The following SAMD12 variants were observed in gnomAD, a reference collection of about 807,000 sequenced individuals.
SAMD12 encodes the protein sterile alpha motif domain containing 12.
A neutral mutation model predicts 15.0 loss-of-function variants in SAMD12; 9 were observed. The observed-to-expected ratio is 0.60, with a 90% CI of 0.36 to 1.05. The LOEUF (loss-of-function observed/expected upper bound fraction) is 1.05, where lower values mean the gene tolerates loss of function less well. Among genes scored for constraint, SAMD12 ranks in the 50% least tolerant of loss-of-function variants. The pLI, the probability that SAMD12 is intolerant of heterozygous loss-of-function variation, is 0.01. For synonymous variants in SAMD12, 86 were observed against 90.1 expected, an observed-to-expected ratio of 0.96 and a Z score of 0.25; for missense variants, 230 against 234.2, an observed-to-expected ratio of 0.98 and a Z score of 0.12.
chr8:118,552,525 G>A lies in SAMD12; in HGVS notation c.192+28190C>T, dbSNP rs569209123. ...ATAAATTAGGTATTGATGGGACGAC[G>A]TATTTCAAAATAATAAGAGCTATCT... On this transcript the variant is annotated intron_variant, in intron 2 of 3. Transcript: ENST00000314727. Among the ~76,000 whole-genome samples, 61 of 152,234 alleles carry A rather than the reference G, an allele frequency of 4.0e-4. 1 individual carries two copies. The South Asian group carries it at 0.011, about 28-fold the overall frequency.
At position 118,574,582 on chromosome 8, in the gene SAMD12, T is replaced by C. The variant is rs890301595; in HGVS notation, c.192+6133A>G. On this transcript the variant is annotated intron_variant, in intron 2 of 3. Coordinates refer to ENST00000314727, the MANE Select transcript of SAMD12 (RefSeq NM_207506.3). ...ATACAATGAACCTATGGCTTAAATA[T>C]ATCATATTAATTGTCATACTTTTCA... is the stretch of plus-strand genomic sequence containing the variant. 2.6e-5 allele frequency among the ~76,000 whole-genome samples: 4 copies of C among 152,370 alleles called. No homozygotes were observed. The East Asian group carries it at 7.7e-4, about 29-fold the overall frequency.
rs531992106 is a variant in SAMD12 at position 118,440,509 on chromosome 8, T to C, written c.193-548A>G. On this transcript the variant is annotated intron_variant, in intron 2 of 3. Transcript: ENST00000314727. ...CTGAAATGTCCAGGACCATTAGTTA[T>C]ACCAAAGTGGGGAAGCAAAAAGTCA... Among the ~76,000 whole-genome samples the C allele has an allele frequency of 2.6e-5, 4 of 152,230 alleles. No homozygotes were observed. The South Asian group carries it at 8.3e-4, about 32-fold the overall frequency.
the SAMD12 span, among the ~76,000 whole-genome samples, chr8:118,155,307 C>A: frequency 6.6e-6 from 1 of 152,102 alleles, no homozygotes; most frequent in African/African-American, 2.4e-5. Context: ...ATCGAATGCT[C>A]AGAACACACA....
At chr8:118,362,475 A>T (rs1250752516) in intron 4 of SAMD12, among the ~76,000 whole-genome samples, 2 of 152,230 alleles carry the variant, frequency 1.3e-5, no homozygotes, top group Admixed American at 6.5e-5. Flanking sequence ...AAATGCACAC[A>T]TATGTAGTTT....
intron 4 of SAMD12, among the ~76,000 whole-genome samples, chr8:118,324,687 C>T (rs188649554): frequency 2.3e-4 from 35 of 152,208 alleles, no homozygotes; most frequent in Admixed American, 1.3e-3. Flanking sequence ...GTTAGACAGA[C>T]AAATGGGTAG....
At chr8:118,468,560 G>C (rs1156686671) in intron 2 of SAMD12, among the ~76,000 whole-genome samples, 1 of 152,094 alleles carries the variant, frequency 6.6e-6, no homozygotes, top group Non-Finnish European at 1.5e-5. Flanking sequence ...TGAGCTGGGA[G>C]TTGATCTTAT....
chr8:118,264,047 T>G (rs1012152518), intron 4 of SAMD12, among the ~76,000 whole-genome samples: 1 of 152,092 alleles, frequency 6.6e-6, no homozygotes, highest in Admixed American at 6.6e-5. Flanking sequence ...AACATAAGCT[T>G]TAGGTTTATT....
intron 2 of SAMD12, among the ~76,000 whole-genome samples, chr8:118,556,969 AAAAAG>A (rs1324043891): frequency 6.6e-6 from 1 of 151,978 alleles, no homozygotes; most frequent in African/African-American, 2.4e-5. Context: ...ATCTCAAAAA[AAAAAG>A]AAAGAAAGAA....
At chr8:118,164,895 T>C in the SAMD12 span, among the ~76,000 whole-genome samples, 3 of 151,880 alleles carry the variant, frequency 2.0e-5, no homozygotes, top group African/African-American at 7.3e-5. Context: ...CATATGCATA[T>C]ATGGAATGTA....
intron 4 of SAMD12, among the ~76,000 whole-genome samples, chr8:118,349,045 A>C (rs1210796548): frequency 6.6e-6 from 1 of 152,214 alleles, no homozygotes; most frequent in Non-Finnish European, 1.5e-5. Flanking sequence ...CCTTCAATTA[A>C]ACCTGGCAAT....
rs561022990 is a variant in SAMD12, at chr8:118,577,296, G to A, written c.192+3419C>T. Among the ~76,000 whole-genome samples, 4 of 152,220 alleles carry A rather than the reference G, an allele frequency of 2.6e-5. No homozygotes were observed. In the South Asian group the frequency reaches 8.3e-4, roughly 32 times the overall value. On this transcript the variant is annotated intron_variant, in intron 2 of 3. Coordinates refer to ENST00000314727, the MANE Select transcript of SAMD12 (RefSeq NM_207506.3). ...GAATTGGGGCTAAGGGTCCCAAAAT[G>A]TCACTTTCTAAGATAGAGTATTATT...
chr8:118,429,633 C>T (rs1822337452), intron 3 of SAMD12, among the ~76,000 whole-genome samples: 1 of 152,138 alleles, frequency 6.6e-6, no homozygotes, highest in South Asian at 2.1e-4. Flanking sequence ...GTGGCTCATG[C>T]CTGTAATCCC....
At chr8:118,204,623 C>T (rs1003502924) in intron 4 of SAMD12, among the ~76,000 whole-genome samples, 1 of 151,990 alleles carries the variant, frequency 6.6e-6, no homozygotes, top group East Asian at 1.9e-4. Flanking sequence ...GCGTGGCGGC[C>T]GGCACCTGTG....
chr8:118,359,325 G>A (rs895955371), intron 4 of SAMD12, among the ~76,000 whole-genome samples: 1 of 152,090 alleles, frequency 6.6e-6, no homozygotes, highest in Non-Finnish European at 1.5e-5. Flanking sequence ...TGCTGCCAAC[G>A]CCGTGACCTT....
At chr8:118,560,083 G>A (rs142029064) in intron 2 of SAMD12, among the ~76,000 whole-genome samples, 65 of 152,294 alleles carry the variant, frequency 4.3e-4, no homozygotes, top group South Asian at 2.1e-3. Flanking sequence ...CTTCTCATTC[G>A]CTCAGGGCTG....
chr8:118,605,834 T>A (rs1827973617), intron 1 of SAMD12, among the ~76,000 whole-genome samples: 2 of 119,446 alleles, frequency 1.7e-5, no homozygotes, highest in South Asian at 2.7e-4. Flanking sequence ...ATATATATAC[T>A]GACCATCAAC....
chr8:118,232,106 G>A (rs901664993), intron 4 of SAMD12, among the ~76,000 whole-genome samples: 1 of 151,998 alleles, frequency 6.6e-6, no homozygotes, highest in Admixed American at 6.6e-5. Context: ...TATCTTTTTG[G>A]TCCCTCTGTT....
the SAMD12 span, among the ~76,000 whole-genome samples, chr8:118,140,447 T>A: frequency 3.9e-5 from 6 of 152,114 alleles, no homozygotes; most frequent in Non-Finnish European, 8.8e-5. Flanking sequence ...AATTTTTTAT[T>A]TTTTTGTAGA....
intron 2 of SAMD12, among the ~76,000 whole-genome samples, chr8:118,520,368 C>T (rs372736196): frequency 1.8e-4 from 27 of 152,160 alleles, no homozygotes; most frequent in African/African-American, 6.5e-4. Context: ...AGAGATCATA[C>T]TGTACGGGTG....
Sources: gnomAD v4.1 joint callset for allele counts (sites outside exome capture counted in the v4.1 genomes callset) on GRCh38, gnomAD v4.1.1 for gene constraint, MANE v1.5 for transcripts, NCBI Gene and HGNC (gene_info 2026-07-23, HGNC 2026-07-21) for gene names.